The following CHFR variants were observed in gnomAD, a reference collection of about 807,000 sequenced individuals.
The protein encoded by CHFR is checkpoint with forkhead and ring finger domains.
In CHFR, 57 loss-of-function variants were observed where a neutral mutation model predicts 87.6. The ratio of observed to expected loss-of-function variants is 0.65; its 90% confidence interval spans 0.53 to 0.81. CHFR has a LOEUF of 0.81. CHFR is among the 30% of genes least tolerant of loss of function. The pLI, the probability that CHFR is intolerant of heterozygous loss-of-function variation, is 0.00. For missense variants in CHFR, 797 were observed against 865.8 expected (o/e 0.92, Z 1.00); for synonymous variants, 381 against 359.2 (o/e 1.06, Z -0.69).
At chr12:132,847,918 A>T (rs1950861845) in intron 14 of CHFR, 167 bp downstream of exon 14, 1 of 1,467,078 alleles carries the variant, frequency 6.8e-7, no homozygotes, top group Non-Finnish European at 9.0e-7. Context: ...CACCAATGGC[A>T]TGCAGAGAAC....
At chr12:132,866,377 C>T (rs1052349269) in intron 6 of CHFR, 7 of 151,000 alleles carry the variant, frequency 4.6e-5, no homozygotes, top group South Asian at 2.1e-4. Context: ...ACCAACACAC[C>T]GGAATGTTGG....
chr12:132,863,191 C>T (rs1246532653), intron 6 of CHFR, among the ~76,000 whole-genome samples: 3 of 149,104 alleles, frequency 2.0e-5, no homozygotes, highest in East Asian at 4.1e-4. Flanking sequence ...CCACCGCGCC[C>T]GGCCTGACCT....
intron 1 of CHFR, 42 bp from the exon 2 acceptor site, chr12:132,887,382 A>G: frequency 1.6e-6 from 2 of 1,251,202 alleles, no homozygotes; most frequent in East Asian, 6.5e-5. Flanking sequence ...TCCCGACCCC[A>G]GAGGCCGAGA....
intron 1 of CHFR, 86 bp downstream of exon 1, chr12:132,887,461 C>T (rs2137087873): frequency 1.4e-6 from 1 of 708,590 alleles, no homozygotes; most frequent in Non-Finnish European, 1.7e-6. Flanking sequence ...GCAGCCCGGC[C>T]TGGACGCCGG....
In CHFR at chr12:132,837,096, G is replaced by T; in HGVS notation, c.*4458C>A. On this transcript the variant is annotated 3_prime_UTR_variant, in exon 18 of 18. Transcript: ENST00000450056. ...GAGGGGCTGTTTGTGAGAATTAGCT[G>T]GTTCGGTGGAGAAGCAGAGGAACAC... 1 of 314,722 alleles carries T rather than the reference G, an allele frequency of 3.2e-6. No individual in the cohort carries two copies. Among genetic ancestry groups the T allele is most frequent in the South Asian group, 2.6e-5 (1 of 38,386 alleles). The allele number at this position is 314,722 out of a possible 1,614,324, so 19.5% of individuals were successfully genotyped here.
At chr12:132,849,762 T>A (rs1950900438) in intron 12 of CHFR, 1 of 150,888 alleles carries the variant, frequency 6.6e-6, no homozygotes, top group Admixed American at 6.6e-5. Flanking sequence ...GCCAATTTTT[T>A]CATTTTTAGT....
At chr12:132,866,001 T>C (rs544473558) in intron 6 of CHFR, 1 of 152,214 alleles carries the variant, frequency 6.6e-6, no homozygotes, top group Non-Finnish European at 1.5e-5. Context: ...TGAAGTGTTA[T>C]TTTCTTTCAC....
In CHFR at chr12:132,856,628, T is replaced by G; in HGVS notation, c.1069A>C (p.Lys357Gln). 1 of 1,613,884 alleles carries G rather than the reference T, an allele frequency of 6.2e-7. No individual in the cohort carries two copies. The stretch of plus-strand genomic sequence containing the variant: ...TGCACATCTTCTTCACTGCGACTCT[T>G]GTCTAGAATTGAAAGGACACAGCGC... ...VEAYLIQHPD[K>Q]SRSEEDVQSM... is the part of the protein sequence containing the mutation. The change falls in exon 10 of 18, where the codon AAG becomes CAG. Residue 357 changes from lysine (K) to glutamine (Q), a missense_variant and splice_region_variant. This residue lies in a region of CHFR where 597 missense variants were observed against 601.2 expected (regional missense o/e 0.99). Transcript: ENST00000450056.
intron 10 of CHFR, chr12:132,854,463 G>A (rs1951018286): frequency 6.6e-6 from 1 of 152,252 alleles, no homozygotes; most frequent in South Asian, 2.1e-4. Context: ...AGCAGCAACT[G>A]TTTCCCAATT....
In CHFR at chr12:132,837,117, A is replaced by G. The variant is rs1950653975; in HGVS notation, c.*4437T>C. ...AGCTGGTTCGGTGGAGAAGCAGAGG[A>G]ACACCTGAGGGGCTCCAGGAGAAGC... is the stretch of plus-strand genomic sequence containing the variant. On this transcript the variant is annotated 3_prime_UTR_variant, in exon 18 of 18. Coordinates refer to ENST00000450056, the MANE Select transcript of CHFR (RefSeq NM_001161346.2). 3 of 308,606 alleles carry G rather than the reference A, an allele frequency of 9.7e-6. 1 individual carries two copies. The highest frequency in any genetic ancestry group is 8.1e-5 in the South Asian group (3 of 36,836). The allele number at this position is 308,606 out of a possible 1,614,324, so 19.1% of individuals were successfully genotyped here.
chr12:132,842,431 G>A (rs553174646), intron 17 of CHFR, among the ~76,000 whole-genome samples: 2 of 152,204 alleles, frequency 1.3e-5, no homozygotes, highest in Non-Finnish European at 2.9e-5. Context: ...TGAGGGAGGC[G>A]CCTTTCTCTG....
chr12:132,854,486 A>T (rs1292961636), intron 10 of CHFR: 1 of 152,232 alleles, frequency 6.6e-6, no homozygotes, highest in Non-Finnish European at 1.5e-5. Flanking sequence ...AACGCTGGGG[A>T]CATTACCGAG....
At chr12:132,859,833 G>A (rs1463010982) in intron 7 of CHFR, among the ~76,000 whole-genome samples, 1 of 152,062 alleles carries the variant, frequency 6.6e-6, no homozygotes, top group Non-Finnish European at 1.5e-5. Flanking sequence ...CTTGAGCCCA[G>A]GAGTTCAAGA....
At chr12:132,878,239 G>C (rs1370028245) in intron 2 of CHFR, among the ~76,000 whole-genome samples, 2 of 152,284 alleles carry the variant, frequency 1.3e-5, no homozygotes, top group East Asian at 1.9e-4. Context: ...GAGAAGCTGA[G>C]GTGAATGGAT....
intron 14 of CHFR, 94 bp downstream of exon 14, chr12:132,847,991 A>C: frequency 1.3e-6 from 2 of 1,593,454 alleles, no homozygotes; most frequent in South Asian, 2.2e-5. Context: ...GGGTCAGGTA[A>C]AACAGATAAA....
rs1340002857 is a variant in CHFR, at chr12:132,870,797, A to C, written c.344-14T>G. 14 of 1,588,248 alleles carry C rather than the reference A, an allele frequency of 8.8e-6. No individual in the cohort carries two copies. The South Asian group carries it at 1.6e-4, about 18-fold the overall frequency. On this transcript the variant is annotated splice_polypyrimidine_tract_variant and intron_variant, in intron 4 of 17. Transcript: ENST00000450056. Reference sequence around the variant, plus strand: ...GGTATGCCACGTCTAAAAGAAAATCAATCAAATCAGAAAAGTGGTGGCCCC... The same window carrying C: ...GGTATGCCACGTCTAAAAGAAAATCCATCAAATCAGAAAAGTGGTGGCCCC...
At chr12:132,849,754 C>T (rs1950900163) in intron 12 of CHFR, 1 of 151,702 alleles carries the variant, frequency 6.6e-6, no homozygotes. Context: ...CACAACTGGC[C>T]AATTTTTTCA....
At position 132,861,457 on chromosome 12, in the gene CHFR, A is replaced by G. The variant is rs781035012; in HGVS notation, c.751+10T>C. The G allele has an allele frequency of 6.2e-7, 1 of 1,613,706 alleles. No individual in the cohort carries two copies. Among genetic ancestry groups the G allele is most frequent in the South Asian group, 1.1e-5 (1 of 91,054 alleles). ...GAGAGGACTGAGGACACACACAACCAGACACTAACCTCCTCTCATTTTCTT... is the reference window on the plus strand; with the variant it reads ...GAGAGGACTGAGGACACACACAACCGGACACTAACCTCCTCTCATTTTCTT... On this transcript the variant is annotated intron_variant, in intron 7 of 17. Transcript: ENST00000450056.
At chr12:132,879,009 G>T (rs1471628247) in intron 2 of CHFR, among the ~76,000 whole-genome samples, 93 of 121,710 alleles carry the variant, frequency 7.6e-4, no homozygotes, top group Middle Eastern at 4.6e-3. Context: ...GTTTTTGTTT[G>T]TTTTTTTTTT....
Sources: gnomAD v4.1 joint callset for allele counts (sites outside exome capture counted in the v4.1 genomes callset) on GRCh38, gnomAD v4.1.1 for gene constraint, gnomAD v4.1.1 regional missense constraint, MANE v1.5 for transcripts, NCBI Gene and HGNC (gene_info 2026-07-23, HGNC 2026-07-21) for gene names.